The following TMEM154 variants were observed in gnomAD, a reference collection of about 807,000 sequenced individuals.
TMEM154 encodes the protein transmembrane protein 154.
A neutral mutation model predicts 24.5 loss-of-function variants in TMEM154; 27 were observed. The observed-to-expected ratio is 1.10, with a 90% CI of 0.81 to 1.52. The LOEUF (loss-of-function observed/expected upper bound fraction) is 1.52, where lower values mean the gene tolerates loss of function less well. Ranked by LOEUF, TMEM154 falls within the 40% of genes most tolerant of loss-of-function variation. The pLI, the probability that TMEM154 is intolerant of heterozygous loss-of-function variation, is 0.00. For synonymous variants in TMEM154, 67 were observed against 76.8 expected (o/e 0.87, Z 0.67); for missense variants, 228 against 213.4 (o/e 1.07, Z -0.43).
At chr4:152,632,284 C>T (rs1752060355) in intron 6 of TMEM154, among the ~76,000 whole-genome samples, 1 of 151,998 alleles carries the variant, frequency 6.6e-6, no homozygotes, top group East Asian at 1.9e-4. Context: ...CTCTAAATTT[C>T]CCCCCAAATG....
chr4:152,628,406 T>C lies in TMEM154; in HGVS notation c.*140A>G. ...ATGCCATCATTAGGAAGAGTGGGCG[T>C]TGGAAGAAACAGCAAAAGGTTCTTG... On this transcript the variant is annotated 3_prime_UTR_variant, in exon 7 of 7. Coordinates refer to ENST00000304385, the MANE Select transcript of TMEM154 (RefSeq NM_152680.3). 1 of 1,384,896 alleles carries C rather than the reference T, an allele frequency of 7.2e-7. No individual in the cohort carries two copies. The highest frequency in any genetic ancestry group is 1.2e-5 in the South Asian group (1 of 82,044). The allele number at this position is 1,384,896 out of a possible 1,614,324, so 85.8% of individuals were successfully genotyped here.
In TMEM154 at chr4:152,626,308, T is replaced by C. The variant is rs767148672; in HGVS notation, c.*2238A>G. The C allele has an allele frequency of 6.6e-6, 1 of 152,638 alleles. No homozygotes were observed. The allele number at this position is 152,638 out of a possible 1,614,324, so 9.5% of individuals were successfully genotyped here. On this transcript the variant is annotated 3_prime_UTR_variant, in exon 7 of 7. Transcript: ENST00000304385. ...TTAGTGAGGGTTTTTTTGGTTTTTG[T>C]TTTGTTTTTTTAACAATAGTCTGAA...
At chr4:152,632,849 C>T (rs565264246) in intron 6 of TMEM154, among the ~76,000 whole-genome samples, 64 of 152,250 alleles carry the variant, frequency 4.2e-4, no homozygotes, top group African/African-American at 1.5e-3. Context: ...CTTTCTTAGC[C>T]GGAGTTTCTT....
At chr4:152,634,335 A>G (rs1220081378) in intron 6 of TMEM154, among the ~76,000 whole-genome samples, 1 of 152,198 alleles carries the variant, frequency 6.6e-6, no homozygotes. Context: ...GTCTCCAAAG[A>G]TGGCAATAAA....
chr4:152,661,329 TC>T (rs1728604956), intron 1 of TMEM154, among the ~76,000 whole-genome samples: 3 of 118,758 alleles, frequency 2.5e-5, no homozygotes, highest in African/African-American at 9.6e-5. Flanking sequence ...TCTCTCTCTC[TC>T]TCTCTCTCTC....
intron 3 of TMEM154, among the ~76,000 whole-genome samples, chr4:152,648,573 C>T (rs893580165): frequency 5.9e-5 from 9 of 152,148 alleles, no homozygotes; most frequent in African/African-American, 2.2e-4. Flanking sequence ...AAATTCCAGA[C>T]AGAAGAAATG....
chr4:152,661,944 C>T (rs780792222), intron 1 of TMEM154, among the ~76,000 whole-genome samples: 12 of 152,180 alleles, frequency 7.9e-5, no homozygotes, highest in Non-Finnish European at 1.5e-4. Context: ...CTCTTTTTGA[C>T]ACAAATGGTA....
At chr4:152,661,297 T>TCTCC (rs1728599951) in intron 1 of TMEM154, among the ~76,000 whole-genome samples, 1 of 82,540 alleles carries the variant, frequency 1.2e-5, no homozygotes, top group African/African-American at 5.0e-5. Flanking sequence ...TCTCTCTCTC[T>TCTCC]CTCTCTCTCT....
chr4:152,629,929 G>A (rs1219748700), intron 6 of TMEM154, among the ~76,000 whole-genome samples: 2 of 152,182 alleles, frequency 1.3e-5, no homozygotes, highest in African/African-American at 4.8e-5. Flanking sequence ...TTCATGTTGT[G>A]AAGACAGAGG....
At chr4:152,635,036 T>C (rs1579510499) in intron 6 of TMEM154, among the ~76,000 whole-genome samples, 1 of 152,252 alleles carries the variant, frequency 6.6e-6, no homozygotes, top group African/African-American at 2.4e-5. Flanking sequence ...TAAATGACTT[T>C]GAGGGACTAA....
intron 1 of TMEM154, among the ~76,000 whole-genome samples, chr4:152,656,794 G>A (rs965749160): frequency 6.6e-6 from 1 of 151,976 alleles, no homozygotes; most frequent in African/African-American, 2.4e-5. Flanking sequence ...GGTGGTGCAT[G>A]CCTGTAATCC....
chr4:152,640,500 A>C (rs1752234731), intron 6 of TMEM154, among the ~76,000 whole-genome samples: 1 of 152,214 alleles, frequency 6.6e-6, no homozygotes, highest in Non-Finnish European at 1.5e-5. Flanking sequence ...GTAAAATGGA[A>C]CATTTTTTAA....
At position 152,659,207 on chromosome 4, in the gene TMEM154, T is replaced by C. The variant is rs531923512; in HGVS notation, c.65-6280A>G. On this transcript the variant is annotated intron_variant, in intron 1 of 6. Coordinates refer to ENST00000304385, the MANE Select transcript of TMEM154 (RefSeq NM_152680.3). ...TAAAAAAGAATGAAATCATGTCTTA[T>C]GCTGCAACATAGATAAAGCTGGAGG... Among the ~76,000 whole-genome samples the C allele has an allele frequency of 3.3e-5, 5 of 152,352 alleles. No individual in the cohort carries two copies. The East Asian group carries it at 7.7e-4, about 23-fold the overall frequency.
intron 1 of TMEM154, among the ~76,000 whole-genome samples, chr4:152,677,590 G>A (rs189650389): frequency 6.6e-6 from 1 of 152,252 alleles, no homozygotes; most frequent in Admixed American, 6.5e-5. Context: ...TCATCTCAAA[G>A]TCATAGCTTT....
Position 152,624,168 on chromosome 4 carries a change from A to G in TMEM154, c.*4378T>C, listed in dbSNP as rs1751881058. On this transcript the variant is annotated 3_prime_UTR_variant, in exon 7 of 7. Transcript: ENST00000304385. The stretch of plus-strand genomic sequence containing the variant: ...TGGTTTAGAAACTTCTTAAAATATC[A>G]TTCAAAAAGAGCTTAGAGCATGTAC... 1 of 152,210 alleles carries G rather than the reference A, an allele frequency of 6.6e-6. No homozygotes were observed. Among genetic ancestry groups the G allele is most frequent in the African/African-American group, 2.4e-5 (1 of 41,450 alleles). The allele number at this position is 152,210 out of a possible 1,614,324, so 9.4% of individuals were successfully genotyped here. A position where few individuals can be genotyped will look rare whatever the true frequency, so the allele number is the denominator to read the frequency against.
chr4:152,660,682 A>G (rs1428470565), intron 1 of TMEM154, among the ~76,000 whole-genome samples: 1 of 152,200 alleles, frequency 6.6e-6, no homozygotes, highest in East Asian at 1.9e-4. Flanking sequence ...GGAGGAATGC[A>G]ATGCTTGCAA....
intron 1 of TMEM154, among the ~76,000 whole-genome samples, chr4:152,674,968 C>T (rs972564046): frequency 1.1e-4 from 17 of 151,772 alleles, no homozygotes; most frequent in Admixed American, 7.2e-4. Context: ...CCAGCCTGGC[C>T]AACATAGTGA....
intron 6 of TMEM154, among the ~76,000 whole-genome samples, chr4:152,636,635 T>C (rs895119116): frequency 6.6e-6 from 1 of 152,212 alleles, no homozygotes; most frequent in Non-Finnish European, 1.5e-5. Context: ...CTGAAAGGCC[T>C]GAGATTACAG....
intron 1 of TMEM154, among the ~76,000 whole-genome samples, 157 bp from the exon 2 acceptor site, chr4:152,653,084 C>G (rs1194270210): frequency 2.6e-4 from 40 of 152,286 alleles, no homozygotes; most frequent in Non-Finnish European, 4.4e-5. Flanking sequence ...ATTGATTTAA[C>G]ATAAATGAAG....
Sources: gnomAD v4.1 joint callset for allele counts (sites outside exome capture counted in the v4.1 genomes callset) on GRCh38, gnomAD v4.1.1 for gene constraint, MANE v1.5 for transcripts, NCBI Gene and HGNC (gene_info 2026-07-23, HGNC 2026-07-21) for gene names.